The following SATB2 variants were observed in gnomAD, a reference collection of about 807,000 sequenced individuals.
SATB2 encodes DNA-binding protein SATB2.
Under a neutral mutation model 73.4 loss-of-function variants are expected in SATB2, and 1 was observed. The ratio of observed to expected loss-of-function variants is 0.01; its 90% CI spans 0.00 to 0.06. SATB2 has a LOEUF of 0.06. Ranked by LOEUF, SATB2 falls within the 10% of genes least tolerant of loss-of-function variation. The pLI is 1.00. For synonymous variants in SATB2, 397 were observed against 367.0 expected (o/e 1.08, Z -0.93); for missense variants, 459 against 945.8 (o/e 0.49, Z 6.75).
intron 10 of SATB2, among the ~76,000 whole-genome samples, chr2:199,281,839 C>T (rs1692507691): frequency 6.6e-6 from 1 of 151,672 alleles, no homozygotes; most frequent in Non-Finnish European, 1.5e-5. Flanking sequence ...ACAATTAGTG[C>T]TCAGTATCTT....
rs908984602 is a variant in SATB2 at position 199,412,719 on chromosome 2, G to A, written c.346+20619C>T. ...TCACAATGATTTGAGAAGGAAATCA[G>A]GTAAAAAAAAAACAAAAAACAAAAA... On this transcript the variant is annotated intron_variant, in intron 3 of 10. Transcript: ENST00000417098. 2.3e-4 allele frequency among the ~76,000 whole-genome samples: 35 copies of A among 150,532 alleles called. 1 individual carries two copies. Among genetic ancestry groups the A allele is most frequent in the African/African-American group, 7.6e-4 (31 of 40,890 alleles).
intron 5 of SATB2, among the ~76,000 whole-genome samples, chr2:199,374,964 A>C (rs1689556447): frequency 6.8e-6 from 1 of 146,278 alleles, no homozygotes. Flanking sequence ...ACTCCGTCGC[A>C]AAAAGAAAAA....
chr2:199,290,534 C>A (rs1692826126), intron 10 of SATB2, among the ~76,000 whole-genome samples: 1 of 152,140 alleles, frequency 6.6e-6, no homozygotes. Context: ...TGTAGGCACT[C>A]ACTAAAAATA....
Position 199,272,412 on chromosome 2 carries a change from C to T in SATB2, c.2001G>A (p.Arg667=). 5 of 1,614,158 alleles carry T rather than the reference C, an allele frequency of 3.1e-6. No homozygotes were observed. The highest frequency in any genetic ancestry group is 4.2e-6 in the Non-Finnish European group (5 of 1,180,022). The change falls in exon 11 of 11, where the codon CGG becomes CGA. Residue 667 remains arginine, a synonymous_variant. Coordinates refer to ENST00000417098, the MANE Select transcript of SATB2 (RefSeq NM_001172509.2). This position sits in a 1 kb window ranked among gnomAD's most constrained non-coding sequence, Gnocchi z 6.7. ...GCTTCCCGTGGTGCTTCACGTGGTA[C>T]CGCTGGTTCTGGAAGAACTTGATGA... ...HTIIKFFQNQ[R]YHVKHHGKLK...
At chr2:199,399,180 G>A (rs549131792) in intron 3 of SATB2, among the ~76,000 whole-genome samples, 2 of 152,344 alleles carry the variant, frequency 1.3e-5, no homozygotes, top group East Asian at 3.9e-4. Context: ...GCTGAGGTGG[G>A]AGGGTGGCCT....
chr2:199,443,860 A>G (rs1273179591), intron 2 of SATB2, among the ~76,000 whole-genome samples: 1 of 152,220 alleles, frequency 6.6e-6, no homozygotes, highest in Non-Finnish European at 1.5e-5. Flanking sequence ...AAGAAAGTCA[A>G]AATCATAGTG....
chr2:199,322,676 G>A (rs1687922850), intron 9 of SATB2, among the ~76,000 whole-genome samples: 1 of 151,922 alleles, frequency 6.6e-6, no homozygotes, highest in African/African-American at 2.4e-5. Context: ...ACCTATATCA[G>A]GTTAAAACTG....
At chr2:199,328,554 TA>T in intron 8 of SATB2, 143 bp downstream of exon 8, 2 of 603,268 alleles carry the variant, frequency 3.3e-6, no homozygotes, top group Non-Finnish European at 5.6e-6. Context: ...AAAATTAAAA[TA>T]AAATAAAATA....
upstream of SATB2, among the ~76,000 whole-genome samples, chr2:199,460,997 A>G (rs1043627458): frequency 2.0e-5 from 3 of 152,168 alleles, no homozygotes; most frequent in African/African-American, 7.2e-5. This position sits in a 1 kb window ranked among gnomAD's most constrained non-coding sequence, Gnocchi z 4.0. Flanking sequence ...TCCATTTCTG[A>G]TACTGAAAAA....
intron 2 of SATB2, among the ~76,000 whole-genome samples, chr2:199,443,021 ATTTT>A (rs10673737): frequency 7.5e-6 from 1 of 133,586 alleles, no homozygotes. Context: ...GTTTCTGAGA[ATTTT>A]TTTTTTTTTT....
At chr2:199,357,796 T>C (rs919052242) in intron 6 of SATB2, among the ~76,000 whole-genome samples, 3 of 152,130 alleles carry the variant, frequency 2.0e-5, no homozygotes, top group Non-Finnish European at 4.4e-5. Flanking sequence ...GTCATCAGCA[T>C]GGACTCCCAC....
chr2:199,378,498 AC>A (rs1395465911), intron 5 of SATB2, among the ~76,000 whole-genome samples: 1 of 152,224 alleles, frequency 6.6e-6, no homozygotes, highest in Non-Finnish European at 1.5e-5. Flanking sequence ...CTACATACAT[AC>A]CTACAGGTAG....
At position 199,423,369 on chromosome 2, in the gene SATB2, AACCAC is replaced by A. The variant is rs1466161560; in HGVS notation, c.346+9964_346+9968del. Among the ~76,000 whole-genome samples, 25 of 152,218 alleles carry A rather than the reference AACCAC, an allele frequency of 1.6e-4. 1 individual carries two copies. In the South Asian group the frequency reaches 5.0e-3, roughly 30 times the overall value. On this transcript the variant is annotated intron_variant, in intron 3 of 10. Transcript: ENST00000417098. ...GAGTGAATAAAATATGATGCTAGAG[AACCAC>A]AGCCTCCAGGTGTGCTCTTTTAAAG...
intron 10 of SATB2, among the ~76,000 whole-genome samples, chr2:199,290,970 T>G (rs181742884): frequency 2.0e-5 from 3 of 152,294 alleles, no homozygotes; most frequent in Non-Finnish European, 4.4e-5. Flanking sequence ...CCAGAAGTAT[T>G]TGTTAAAAAA....
chr2:199,416,099 C>T (rs546388342), intron 3 of SATB2, among the ~76,000 whole-genome samples: 118 of 152,306 alleles, frequency 7.7e-4, no homozygotes, highest in Non-Finnish European at 1.4e-3. Flanking sequence ...AGTTACATTA[C>T]ATTATTTCGC....
chr2:199,280,550 C>T (rs1241723457), intron 10 of SATB2, among the ~76,000 whole-genome samples: 1 of 152,130 alleles, frequency 6.6e-6, no homozygotes, highest in Non-Finnish European at 1.5e-5. Context: ...CAGCAAGGAA[C>T]ATATCTGAGA....
rs954543644 is a variant in SATB2 at position 199,464,668 on chromosome 2, G to C, written c.-141+168C>G. Among the ~76,000 whole-genome samples the C allele has an allele frequency of 2.0e-5, 3 of 152,166 alleles. No individual in the cohort carries two copies. Among genetic ancestry groups the C allele is most frequent in the Non-Finnish European group, 2.9e-5 (2 of 68,010 alleles). Reference sequence around the variant, plus strand: ...GCCGGGGTCTGGCGAGCCAGGCAGCGGGCCGGCTGAGCTCCTGCGCCCCGC... The same window carrying C: ...GCCGGGGTCTGGCGAGCCAGGCAGCCGGCCGGCTGAGCTCCTGCGCCCCGC... On this transcript the variant is annotated intron_variant, in intron 1 of 11. Transcript: ENST00000260926. The surrounding 1 kb of genome is among the most constrained non-coding windows in gnomAD (Gnocchi z 6.6).
chr2:199,342,976 G>T (rs1334058487), intron 7 of SATB2, among the ~76,000 whole-genome samples: 1 of 152,250 alleles, frequency 6.6e-6, no homozygotes, highest in African/African-American at 2.4e-5. Context: ...TCTCTTTGGA[G>T]AACTGACATT....
At chr2:199,340,336 G>GT (rs1196986102) in intron 7 of SATB2, among the ~76,000 whole-genome samples, 17 of 152,152 alleles carry the variant, frequency 1.1e-4, no homozygotes, top group Non-Finnish European at 2.4e-4. Context: ...TCTCTATCAC[G>GT]TAAGACCAGG....
Sources: allele counts gnomAD v4.1 joint callset (sites outside exome capture counted in the v4.1 genomes callset), GRCh38; gene constraint gnomAD v4.1.1; non-coding constraint Gnocchi (gnomAD v3.1); transcripts MANE v1.5; gene names NCBI Gene and HGNC (gene_info 2026-07-23, HGNC 2026-07-21).